GRIP2: variants seen among roughly 807,000 people sequenced by gnomAD.
GRIP2 encodes glutamate receptor interacting protein 2, also known as glutamate receptor-interacting protein 2.
A neutral mutation model predicts 108.3 loss-of-function variants in GRIP2; 58 were observed. That is an observed-to-expected ratio of 0.54 (90% CI 0.43 to 0.67). The LOEUF is 0.67. Ranked by LOEUF, GRIP2 falls within the 30% of genes least tolerant of loss-of-function variation. GRIP2 has a pLI of 0.00. For synonymous variants in GRIP2, 586 were observed against 598.2 expected (o/e 0.98, Z 0.30); for missense variants, 1,278 against 1,430.6 (o/e 0.89, Z 1.72).
upstream of GRIP2, among the ~76,000 whole-genome samples, chr3:14,560,730 T>C (rs1695304634): frequency 6.6e-6 from 1 of 152,182 alleles, no homozygotes; most frequent in South Asian, 2.1e-4. Context: ...TGAAGTTGGG[T>C]ATCCCTTTTG....
chr3:14,598,274 C>T, the GRIP2 span, among the ~76,000 whole-genome samples: 25 of 151,806 alleles, frequency 1.6e-4, no homozygotes, highest in Non-Finnish European at 1.8e-4. Context: ...AATCAAAAGC[C>T]GCCTTATCGT....
intron 21 of GRIP2, among the ~76,000 whole-genome samples, chr3:14,502,902 A>C (rs1394659443): frequency 6.6e-6 from 1 of 152,258 alleles, no homozygotes; most frequent in Non-Finnish European, 1.5e-5. Context: ...CCCAATCAAT[A>C]ATATTAGAAA....
chr3:14,556,809 G>A (rs1695243460), upstream of GRIP2, among the ~76,000 whole-genome samples: 1 of 152,184 alleles, frequency 6.6e-6, no homozygotes, highest in South Asian at 2.1e-4. Context: ...AGTTTGGCAG[G>A]GCAGTGTTGC....
At chr3:14,541,850 T>C (rs1241881267), upstream of GRIP2, 1 of 1,307,814 alleles carries the variant, frequency 7.6e-7, no homozygotes, top group Non-Finnish European at 1.0e-6. Context: ...ACTCAAATCA[T>C]GCAGGGACGG....
intron 1 of GRIP2, among the ~76,000 whole-genome samples, chr3:14,534,370 C>A (rs947565069): frequency 6.6e-6 from 1 of 152,130 alleles, no homozygotes; most frequent in Non-Finnish European, 1.5e-5. Context: ...GACCCTAGGC[C>A]CCCTCCTCAG....
chr3:14,562,873 G>A, the GRIP2 span, among the ~76,000 whole-genome samples: 1 of 152,196 alleles, frequency 6.6e-6, no homozygotes, highest in African/African-American at 2.4e-5. Flanking sequence ...TGCAAAATTG[G>A]ACCTGAATCA....
upstream of GRIP2, among the ~76,000 whole-genome samples, chr3:14,556,324 G>C (rs1347129979): frequency 6.6e-6 from 1 of 152,160 alleles, no homozygotes; most frequent in Non-Finnish European, 1.5e-5. Flanking sequence ...CCCTGGGCTG[G>C]CTGTTTGATA....
intron 1 of GRIP2, among the ~76,000 whole-genome samples, chr3:14,538,530 A>G (rs1694887626): frequency 6.6e-6 from 1 of 152,188 alleles, no homozygotes. Flanking sequence ...AGTCCTAATG[A>G]TGTTAATTGA....
At chr3:14,541,999 G>A (rs1235259891), upstream of GRIP2, 13 of 1,352,894 alleles carry the variant, frequency 9.6e-6, no homozygotes, top group Non-Finnish European at 1.2e-5. Context: ...AGGAATGCAT[G>A]TGAACTGCTC....
intron 1 of GRIP2, among the ~76,000 whole-genome samples, chr3:14,552,456 T>C (rs552999315): frequency 6.6e-6 from 1 of 152,302 alleles, no homozygotes; most frequent in South Asian, 2.1e-4. Context: ...TAAATATTTG[T>C]TGAATGAGTA....
Position 14,517,494 on chromosome 3 carries a change from C to CTTTTTTTTTTTTTT in GRIP2, c.1156+264_1156+277dup, listed in dbSNP as rs146509076. On this transcript the variant is annotated intron_variant, in intron 10 of 23. Coordinates refer to ENST00000621039, the MANE Select transcript of GRIP2 (RefSeq NM_001080423.4). ...GAGGCAGGCCACCTAATCTCTCTCT[C>CTTTTTTTTTTTTTT]TTTTTTTTTTTTTTTTTTTTTTTTT... is the stretch of plus-strand genomic sequence containing the variant. 3.7e-5 allele frequency among the ~76,000 whole-genome samples: 4 copies of CTTTTTTTTTTTTTT among 107,752 alleles called. 1 individual carries two copies. Among genetic ancestry groups the CTTTTTTTTTTTTTT allele is most frequent in the African/African-American group, 7.6e-5 (2 of 26,268 alleles). 70.7% of individuals were successfully genotyped at this position (107,752 alleles called of 152,430 possible). A position where few individuals can be genotyped will look rare whatever the true frequency, so the allele number is the denominator to read the frequency against.
chr3:14,543,952 G>A (rs1161476521), upstream of GRIP2, among the ~76,000 whole-genome samples: 2 of 152,228 alleles, frequency 1.3e-5, no homozygotes, highest in Admixed American at 6.5e-5. Flanking sequence ...ACCCTCTAGG[G>A]TTGGGAAGAC....
chr3:14,595,323 G>A, the GRIP2 span, among the ~76,000 whole-genome samples: 4 of 152,080 alleles, frequency 2.6e-5, no homozygotes, highest in Admixed American at 6.5e-5. Context: ...CCCAGCGCCT[G>A]GCTGTTATTA....
chr3:14,499,262 C>T (rs1186328595), intron 21 of GRIP2, among the ~76,000 whole-genome samples: 1 of 152,218 alleles, frequency 6.6e-6, no homozygotes, highest in Non-Finnish European at 1.5e-5. Context: ...GAGGAGCGAT[C>T]TCACTGATGC....
the GRIP2 span, chr3:14,574,896 A>G: frequency 3.5e-6 from 1 of 283,176 alleles, no homozygotes; most frequent in South Asian, 3.4e-5. Flanking sequence ...TGGACAGTGA[A>G]GCATATACGC....
chr3:14,600,677 C>T, the GRIP2 span, among the ~76,000 whole-genome samples: 485 of 152,310 alleles, frequency 3.2e-3, 5 homozygotes, highest in African/African-American at 0.011. Context: ...GCAGGACTCA[C>T]ATCTCCAAAC....
At chr3:14,534,688 C>T (rs1198329009) in intron 1 of GRIP2, among the ~76,000 whole-genome samples, 1 of 152,128 alleles carries the variant, frequency 6.6e-6, no homozygotes, top group Non-Finnish European at 1.5e-5. Context: ...GGAGGAGGGA[C>T]AGAGGGAGAA....
In GRIP2 at chr3:14,512,260, A is replaced by G. The variant is rs1694118442; in HGVS notation, c.1720+517T>C. On this transcript the variant is annotated intron_variant, in intron 14 of 23. Coordinates refer to ENST00000621039, the MANE Select transcript of GRIP2 (RefSeq NM_001080423.4). The surrounding 1 kb of genome is among the most constrained non-coding windows in gnomAD (Gnocchi z 5.1). ...TCAGAGGTCATGGGGTCCAGAGCAC[A>G]GAGGGCCTCACTGGGGCCCGAGGCC... Among the ~76,000 whole-genome samples the G allele has an allele frequency of 6.6e-6, 1 of 152,190 alleles. No individual in the cohort carries two copies. Among genetic ancestry groups the G allele is most frequent in the Non-Finnish European group, 1.5e-5 (1 of 68,026 alleles).
In GRIP2 at chr3:14,489,701, C is replaced by G. The variant is rs1701283899; in HGVS notation, c.*3964G>C. ...AATAAACCATTGTCCCCATCAAGGC[C>G]ACCAGGATGATTGGAGGTGATGCTC... On this transcript the variant is annotated 3_prime_UTR_variant, in exon 24 of 24. Coordinates refer to ENST00000621039, the MANE Select transcript of GRIP2 (RefSeq NM_001080423.4). 6.6e-6 allele frequency: 1 copy of G among 152,404 alleles called. No homozygotes were observed. The highest frequency in any genetic ancestry group is 2.4e-5 in the African/African-American group (1 of 41,452). The allele number at this position is 152,404 out of a possible 1,614,324, so 9.4% of individuals were successfully genotyped here.
Sources: allele counts gnomAD v4.1 joint callset (sites outside exome capture counted in the v4.1 genomes callset), GRCh38; gene constraint gnomAD v4.1.1; non-coding constraint Gnocchi (gnomAD v3.1); transcripts MANE v1.5; gene names NCBI Gene and HGNC (gene_info 2026-07-23, HGNC 2026-07-21).